Variants in CPA6 observed in about 807,000 individuals in gnomAD.
CPA6 encodes carboxypeptidase B.
In CPA6, 58 loss-of-function variants were observed where a neutral mutation model predicts 63.3. The ratio of observed to expected loss-of-function variants is 0.92; its 90% CI spans 0.74 to 1.14. The LOEUF is 1.14. Ranked by LOEUF, CPA6 falls within the 50% of genes most tolerant of loss-of-function variation. CPA6 has a pLI of 0.00. For synonymous variants in CPA6, 185 were observed against 179.0 expected (o/e 1.03, Z -0.27); for missense variants, 565 against 526.6 (o/e 1.07, Z -0.71).
chr8:67,684,181 CCTGGCCTCTTTT>C (rs1469444087), intron 1 of CPA6, among the ~76,000 whole-genome samples: 7 of 151,328 alleles, frequency 4.6e-5, no homozygotes, highest in Admixed American at 3.3e-4. Flanking sequence ...AGCCACTGTG[CCTGGCCTCTTTT>C]TATTCTTAAA....
At chr8:67,728,163 AAACT>A (rs1431434895) in intron 1 of CPA6, among the ~76,000 whole-genome samples, 1 of 149,020 alleles carries the variant, frequency 6.7e-6, no homozygotes, top group Non-Finnish European at 1.5e-5. Flanking sequence ...AAAACAAAAC[AAACT>A]ATTATCTGTC....
intron 1 of CPA6, among the ~76,000 whole-genome samples, chr8:67,713,083 A>ATGTGTGTGTGTG (rs368243285): frequency 2.3e-3 from 175 of 75,788 alleles, no homozygotes; most frequent in African/African-American, 8.6e-3. Context: ...CTGTGTGTGT[A>ATGTGTGTGTGTG]TGTGTGTGTG....
At chr8:67,662,053 A>G (rs1025553042) in intron 1 of CPA6, among the ~76,000 whole-genome samples, 1 of 152,070 alleles carries the variant, frequency 6.6e-6, no homozygotes, top group Admixed American at 6.6e-5. Flanking sequence ...TCATCCATTC[A>G]CCACCACCCC....
intron 7 of CPA6, among the ~76,000 whole-genome samples, chr8:67,484,194 C>T (rs1425641084): frequency 1.3e-5 from 2 of 152,110 alleles, no homozygotes; most frequent in Admixed American, 6.5e-5. Flanking sequence ...CTCAACCTCC[C>T]GAGTAGCTGG....
chr8:67,475,893 TC>T lies in CPA6; in HGVS notation c.838+7874del, dbSNP rs1272595119. 7.7e-4 allele frequency among the ~76,000 whole-genome samples: 57 copies of T among 74,436 alleles called. 2 individuals are homozygous for T. The highest frequency in any genetic ancestry group is 3.4e-3 in the African/African-American group (51 of 15,160). 48.8% of individuals were successfully genotyped at this position (74,436 alleles called of 152,430 possible). On this transcript the variant is annotated intron_variant, in intron 8 of 10. Transcript: ENST00000297770. ...TTTCTTTCTTTCTCCTTTCTTTCTTTCTTTCTTTCTTTCTTTCTTTCTTTCT... is the reference window on the plus strand; with the variant it reads ...TTTCTTTCTTTCTCCTTTCTTTCTTTTTTCTTTCTTTCTTTCTTTCTTTCT...
intron 6 of CPA6, among the ~76,000 whole-genome samples, chr8:67,498,452 C>T (rs1811765888): frequency 7.1e-6 from 1 of 140,854 alleles, no homozygotes; most frequent in Admixed American, 7.9e-5. Flanking sequence ...AGGAGTATTG[C>T]TTGAACCTGG....
rs572317376 is a variant in CPA6, at chr8:67,649,883, C to A, written c.117-25632G>T. Among the ~76,000 whole-genome samples, 9 of 152,198 alleles carry A rather than the reference C, an allele frequency of 5.9e-5. No individual in the cohort carries two copies. In the South Asian group the frequency reaches 1.9e-3, roughly 32 times the overall value. On this transcript the variant is annotated intron_variant, in intron 1 of 10. Transcript: ENST00000297770. ...TTAAGGAAAAGGAAAGGGAAAGCGG[C>A]AAAGTGACAACATTGCAAGCAGCCC...
intron 8 of CPA6, among the ~76,000 whole-genome samples, chr8:67,437,807 A>C (rs1810195896): frequency 6.6e-6 from 1 of 152,232 alleles, no homozygotes; most frequent in African/African-American, 2.4e-5. Flanking sequence ...AAAGGGCATG[A>C]AAAATAAAAT....
Position 67,428,033 on chromosome 8 carries a change from C to A in CPA6, c.1126+14G>T. On this transcript the variant is annotated intron_variant, in intron 10 of 10. Transcript: ENST00000297770. ...AGAGAGAGGATTCTAACACAATGTA[C>A]GCAGGAAACTTACACAACGTTGTGG... 1 of 1,558,546 alleles carries A rather than the reference C, an allele frequency of 6.4e-7. No homozygotes were observed. Among genetic ancestry groups the A allele is most frequent in the Non-Finnish European group, 8.8e-7 (1 of 1,130,734 alleles).
intron 2 of CPA6, among the ~76,000 whole-genome samples, chr8:67,579,841 T>C (rs984628793): frequency 1.3e-5 from 2 of 152,222 alleles, no homozygotes; most frequent in African/African-American, 4.8e-5. Context: ...TATGGCTGCT[T>C]TGGGGCTACA....
At chr8:67,507,089 T>C (rs929527632) in intron 5 of CPA6, among the ~76,000 whole-genome samples, 1 of 152,142 alleles carries the variant, frequency 6.6e-6, no homozygotes, top group Non-Finnish European at 1.5e-5. Context: ...CTAATTATAA[T>C]AAAAGAACTA....
chr8:67,478,991 A>C (rs747120053), intron 8 of CPA6, among the ~76,000 whole-genome samples: 2 of 152,208 alleles, frequency 1.3e-5, no homozygotes, highest in Non-Finnish European at 1.5e-5. Context: ...ACTGCACTCT[A>C]GCCTGGGCGA....
At chr8:67,525,635 G>A (rs964503873) in intron 2 of CPA6, among the ~76,000 whole-genome samples, 7 of 152,172 alleles carry the variant, frequency 4.6e-5, no homozygotes, top group African/African-American at 9.6e-5. Flanking sequence ...AAAACAAAGC[G>A]CATGTGTTGG....
chr8:67,455,083 A>G (rs1378351232), intron 8 of CPA6, among the ~76,000 whole-genome samples: 3 of 152,170 alleles, frequency 2.0e-5, no homozygotes, highest in African/African-American at 7.2e-5. Flanking sequence ...ATAAAGGACA[A>G]CAAAGAAAAG....
chr8:67,676,797 T>C (rs1816483999), intron 1 of CPA6, among the ~76,000 whole-genome samples: 1 of 152,252 alleles, frequency 6.6e-6, no homozygotes, highest in Non-Finnish European at 1.5e-5. Flanking sequence ...TGCACTGCTG[T>C]TTAAAATGTA....
chr8:67,624,079 T>C (rs1815143171), intron 2 of CPA6, 97 bp downstream of exon 2: 4 of 712,474 alleles, frequency 5.6e-6, no homozygotes, highest in African/African-American at 1.8e-5. Flanking sequence ...CTTTACTTTC[T>C]TGGCTAATAA....
chr8:67,518,380 T>C (rs951607025), intron 2 of CPA6, among the ~76,000 whole-genome samples: 4 of 152,094 alleles, frequency 2.6e-5, no homozygotes, highest in African/African-American at 9.7e-5. Flanking sequence ...TGAATAATTG[T>C]AAGAAAAAAA....
At chr8:67,573,758 G>C (rs932129874) in intron 2 of CPA6, among the ~76,000 whole-genome samples, 8 of 151,642 alleles carry the variant, frequency 5.3e-5, no homozygotes, top group African/African-American at 1.9e-4. Flanking sequence ...CAGGCATGGT[G>C]GTGGGCACCT....
intron 1 of CPA6, among the ~76,000 whole-genome samples, chr8:67,725,018 T>A (rs1317558411): frequency 1.3e-5 from 2 of 152,222 alleles, no homozygotes. Context: ...TAATCTGAGT[T>A]ACCTGGGCTA....
Sources: gnomAD v4.1 joint callset for allele counts (sites outside exome capture counted in the v4.1 genomes callset) on GRCh38, gnomAD v4.1.1 for gene constraint, MANE v1.5 for transcripts, NCBI Gene and HGNC (gene_info 2026-07-23, HGNC 2026-07-21) for gene names.